LINGO1: variants seen among roughly 807,000 people sequenced by gnomAD.
The protein encoded by LINGO1 is leucine rich repeat and Ig domain containing 1.
Under a neutral mutation model 37.3 loss-of-function variants are expected in LINGO1, and 11 were observed. The observed-to-expected ratio is 0.29, with a 90% CI of 0.19 to 0.49. LINGO1 has a LOEUF of 0.49. Among genes scored for constraint, LINGO1 ranks in the 20% least tolerant of loss-of-function variants. The pLI is 0.99. For synonymous variants in LINGO1, 387 were observed against 403.0 expected (o/e 0.96, Z 0.48); for missense variants, 585 against 878.2 (o/e 0.67, Z 4.22).
chr15:77,794,590 A>ATATTTTT (rs1381588807), intron 2 of LINGO1, among the ~76,000 whole-genome samples: 13 of 93,526 alleles, frequency 1.4e-4, no homozygotes, highest in African/African-American at 5.3e-4. Flanking sequence ...ATATATATAT[A>ATATTTTT]TTTTTTTTTT....
chr15:77,676,508 T>A (rs1039755739), intron 3 of LINGO1, among the ~76,000 whole-genome samples: 3 of 152,268 alleles, frequency 2.0e-5, no homozygotes, highest in South Asian at 2.1e-4. Flanking sequence ...AGCCTTCACC[T>A]GGGATGTCCA....
At chr15:77,714,406 C>G (rs866110825) in intron 2 of LINGO1, among the ~76,000 whole-genome samples, 1 of 152,138 alleles carries the variant, frequency 6.6e-6, no homozygotes, top group African/African-American at 2.4e-5. Flanking sequence ...TCATTCACGG[C>G]CCCCTGCCCC....
intron 3 of LINGO1, among the ~76,000 whole-genome samples, chr15:77,643,064 T>C (rs2074545837): frequency 6.6e-6 from 1 of 152,166 alleles, no homozygotes; most frequent in Admixed American, 6.5e-5. Flanking sequence ...ACAGCCACTG[T>C]GGTGTGGTGG....
Position 77,615,874 on chromosome 15 carries a change from G to A in LINGO1, c.33C>T (p.Gly11=), listed in dbSNP as rs754869510. The A allele has an allele frequency of 3.1e-5, 46 of 1,470,308 alleles. No homozygotes were observed. Among genetic ancestry groups the A allele is most frequent in the Non-Finnish European group, 3.7e-5 (41 of 1,116,732 alleles). The allele number at this position is 1,470,308 out of a possible 1,614,324, so 91.1% of individuals were successfully genotyped here. Residue 11 remains glycine, a synonymous_variant, in exon 2 of 2, where the codon GGC becomes GGT. Coordinates refer to ENST00000355300, the MANE Select transcript of LINGO1 (RefSeq NM_032808.7). The part of the protein sequence containing the change: MQVSKRMLAG[G]VRSMPSPLLA... ...GGAGGGGGCTGGGCATGCTCCTCAC[G>A]CCCCCCGCCAGCATCCTCTTGCTCA... is the stretch of plus-strand genomic sequence containing the variant.
chr15:77,777,463 A>ACG (rs1341222417), intron 1 of LINGO1, among the ~76,000 whole-genome samples: 110 of 53,058 alleles, frequency 2.1e-3, no homozygotes, highest in East Asian at 0.015. Context: ...ATATACACAC[A>ACG]CGCACACACA....
At chr15:77,730,519 GC>G (rs74894838) in intron 2 of LINGO1, among the ~76,000 whole-genome samples, 23,693 of 152,190 alleles carry the variant, frequency 0.16, 2,346 homozygotes, top group Admixed American at 0.3. Context: ...TCCAGCGCCT[GC>G]CCCGTACCCG....
upstream of LINGO1, among the ~76,000 whole-genome samples, chr15:77,789,109 T>C (rs545004645): frequency 9.7e-6 from 1 of 103,052 alleles, no homozygotes; most frequent in African/African-American, 3.6e-5. Context: ...AGTTCACTGC[T>C]GTGAAAATCA....
intron 1 of LINGO1, among the ~76,000 whole-genome samples, chr15:77,802,839 T>C (rs1329341761): frequency 6.6e-6 from 1 of 152,134 alleles, no homozygotes; most frequent in Non-Finnish European, 1.5e-5. Flanking sequence ...TCCAACCACA[T>C]GGCTGCCTGC....
intron 3 of LINGO1, among the ~76,000 whole-genome samples, chr15:77,655,836 C>T (rs1237363260): frequency 3.3e-5 from 5 of 152,230 alleles, no homozygotes; most frequent in Non-Finnish European, 7.3e-5. Flanking sequence ...GCCAGCTCCC[C>T]ACCTTCTCGC....
chr15:77,783,325 T>C (rs1179145772), intron 1 of LINGO1, among the ~76,000 whole-genome samples: 1 of 152,112 alleles, frequency 6.6e-6, no homozygotes, highest in Admixed American at 6.5e-5. Context: ...AGGTGTTTCA[T>C]CAAGTGATGA....
intron 2 of LINGO1, among the ~76,000 whole-genome samples, chr15:77,793,212 G>C (rs2076831763): frequency 6.6e-6 from 1 of 152,152 alleles, no homozygotes; most frequent in Admixed American, 6.5e-5. Context: ...AGAGAGCAGA[G>C]GGTCTTGGTT....
chr15:77,693,888 G>A (rs1324231005), intron 1 of LINGO1, among the ~76,000 whole-genome samples: 1 of 152,192 alleles, frequency 6.6e-6, no homozygotes, highest in Non-Finnish European at 1.5e-5. Flanking sequence ...CACCCCTCAA[G>A]AAACCTCGGG....
intron 2 of LINGO1, among the ~76,000 whole-genome samples, chr15:77,717,880 C>T (rs1328812363): frequency 6.6e-6 from 1 of 150,888 alleles, no homozygotes; most frequent in East Asian, 2.1e-4. Flanking sequence ...CCAAGGGGGC[C>T]CGAGTGGAGA....
intron 2 of LINGO1, among the ~76,000 whole-genome samples, chr15:77,706,771 G>A (rs570710752): frequency 6.6e-6 from 1 of 152,364 alleles, no homozygotes; most frequent in South Asian, 2.1e-4. Flanking sequence ...TGGCTGCCTT[G>A]CTCACTGTAT....
At chr15:77,763,891 G>A (rs1327801364) in intron 1 of LINGO1, among the ~76,000 whole-genome samples, 3 of 152,034 alleles carry the variant, frequency 2.0e-5, no homozygotes, top group Non-Finnish European at 4.4e-5. Flanking sequence ...AAAGGTGGCC[G>A]CTCATCCCCC....
chr15:77,809,567 A>G (rs3936093), intron 1 of LINGO1, among the ~76,000 whole-genome samples: 72,220 of 151,972 alleles, frequency 0.48, 18,445 homozygotes, highest in South Asian at 0.6. Context: ...TTCCTGGACT[A>G]TAAGCATGGT....
At chr15:77,659,020 T>A (rs1464393662) in intron 3 of LINGO1, among the ~76,000 whole-genome samples, 1 of 152,136 alleles carries the variant, frequency 6.6e-6, no homozygotes, top group African/African-American at 2.4e-5. Context: ...TAGAGAATTT[T>A]AAAAATTCAT....
At chr15:77,621,804 G>T (rs917327400) in intron 1 of LINGO1, among the ~76,000 whole-genome samples, 3 of 152,358 alleles carry the variant, frequency 2.0e-5, no homozygotes, top group African/African-American at 7.2e-5. Flanking sequence ...ACCTAATGTG[G>T]GGCTGGCTGA....
chr15:77,810,246 A>G (rs577493972), intron 1 of LINGO1, among the ~76,000 whole-genome samples: 1 of 135,688 alleles, frequency 7.4e-6, no homozygotes, highest in Admixed American at 7.4e-5. Context: ...ACACACACAC[A>G]CACGCATACA....
Sources: allele counts gnomAD v4.1 joint callset (sites outside exome capture counted in the v4.1 genomes callset), GRCh38; gene constraint gnomAD v4.1.1; transcripts MANE v1.5; gene names NCBI Gene and HGNC (gene_info 2026-07-23, HGNC 2026-07-21).